Variants in TPD52 observed in about 807,000 individuals in gnomAD.
TPD52 encodes the protein prostate and colon associated protein.
TPD52 carries 17 observed loss-of-function variants against 31.3 expected under a neutral mutation model. That is an observed-to-expected ratio of 0.54 (90% confidence interval 0.37 to 0.82). The LOEUF (loss-of-function observed/expected upper bound fraction) is 0.82, where lower values mean the gene tolerates loss of function less well. Ranked by LOEUF, TPD52 falls within the 40% of genes least tolerant of loss-of-function variation. TPD52 has a pLI of 0.00. For synonymous variants in TPD52, 83 were observed against 89.6 expected (o/e 0.93, Z 0.42); for missense variants, 212 against 240.1 (o/e 0.88, Z 0.77).
intron 1 of TPD52, among the ~76,000 whole-genome samples, chr8:80,144,071 G>A (rs1252882578): frequency 2.6e-5 from 4 of 152,186 alleles, no homozygotes; most frequent in African/African-American, 9.6e-5. Context: ...GACAAATTCT[G>A]TAATCAGCTT....
chr8:80,139,236 T>G (rs1344840581), intron 1 of TPD52, among the ~76,000 whole-genome samples: 1 of 152,232 alleles, frequency 6.6e-6, no homozygotes, highest in African/African-American at 2.4e-5. Context: ...AGTGTTTTGT[T>G]TCTAATAGCA....
At chr8:80,160,606 A>G (rs1037885514) in intron 1 of TPD52, among the ~76,000 whole-genome samples, 4 of 152,082 alleles carry the variant, frequency 2.6e-5, no homozygotes, top group African/African-American at 9.7e-5. Flanking sequence ...CTCTTTACAG[A>G]ATTTTTGTTC....
At chr8:80,081,972 T>C (rs1815338424) in intron 1 of TPD52, among the ~76,000 whole-genome samples, 1 of 152,198 alleles carries the variant, frequency 6.6e-6, no homozygotes, top group African/African-American at 2.4e-5. Flanking sequence ...TATGCCCGGC[T>C]AATTTTTGTA....
At chr8:80,094,478 A>G (rs1412107987) in intron 1 of TPD52, among the ~76,000 whole-genome samples, 21 of 99,018 alleles carry the variant, frequency 2.1e-4, no homozygotes, top group East Asian at 6.2e-4. Context: ...ATATATATAT[A>G]TATATATGTA....
At chr8:80,033,994 T>G (rs1387491616), downstream of TPD52, among the ~76,000 whole-genome samples, 1 of 151,846 alleles carries the variant, frequency 6.6e-6, no homozygotes, top group African/African-American at 2.4e-5. Flanking sequence ...ACCCCTTCCC[T>G]CCTAGGAACC....
intron 1 of TPD52, among the ~76,000 whole-genome samples, chr8:80,124,226 C>T (rs1808452330): frequency 6.6e-6 from 1 of 151,738 alleles, no homozygotes; most frequent in South Asian, 2.1e-4. Context: ...AGTGCACTGG[C>T]ACAATCTTTG....
intron 2 of TPD52, among the ~76,000 whole-genome samples, chr8:80,054,560 C>T (rs1313349262): frequency 6.6e-6 from 1 of 152,060 alleles, no homozygotes. Flanking sequence ...TGTTGCAAAG[C>T]CATATTTTCA....
intron 7 of TPD52, among the ~76,000 whole-genome samples, chr8:80,041,619 T>G (rs186717240): frequency 2.0e-5 from 3 of 152,230 alleles, no homozygotes; most frequent in East Asian, 1.9e-4. Flanking sequence ...TTGAATATAA[T>G]CTCAAAGATA....
chr8:80,036,522 TC>T lies in TPD52; in HGVS notation c.*1593del, dbSNP rs1319539887. The T allele has an allele frequency of 6.6e-6, 1 of 152,538 alleles. No homozygotes were observed. Among genetic ancestry groups the T allele is most frequent in the Non-Finnish European group, 1.5e-5 (1 of 68,026 alleles). The allele number at this position is 152,538 out of a possible 1,614,324, so 9.4% of individuals were successfully genotyped here. A position where few individuals can be genotyped will look rare whatever the true frequency, so the allele number is the denominator to read the frequency against. On this transcript the variant is annotated 3_prime_UTR_variant, in exon 8 of 8. Transcript: ENST00000518937. ...AAATTTTTTTTTTTTAAGCATAGACTCCAGTTGATTCGGTACAACAAGCTGT... is the reference window on the plus strand; with the variant it reads ...AAATTTTTTTTTTTTAAGCATAGACTCAGTTGATTCGGTACAACAAGCTGT...
chr8:80,131,552 G>T (rs898366704), intron 1 of TPD52, among the ~76,000 whole-genome samples: 3 of 152,092 alleles, frequency 2.0e-5, no homozygotes, highest in Non-Finnish European at 4.4e-5. Flanking sequence ...GTTATAGGTG[G>T]AACCAGTTAT....
In TPD52 at chr8:80,105,086, T is replaced by G. The variant is rs1807009517; in HGVS notation, c.20-40493A>C. Among the ~76,000 whole-genome samples the G allele has an allele frequency of 4.6e-5, 7 of 152,206 alleles. No homozygotes were observed. The South Asian group carries it at 1.5e-3, about 32-fold the overall frequency. On this transcript the variant is annotated intron_variant, in intron 1 of 7. Coordinates refer to ENST00000518937, the MANE Select transcript of TPD52 (RefSeq NM_001025253.3). Reference sequence around the variant, plus strand: ...AAAAATAAAAAATAAGAAAAATTTTTTAAAAGAAAATTTTTTACTTAATTC... The same window carrying G: ...AAAAATAAAAAATAAGAAAAATTTTGTAAAAGAAAATTTTTTACTTAATTC...
In TPD52 at chr8:80,044,962, G is replaced by A. The variant is rs773084894; in HGVS notation, c.414-754C>T. The stretch of plus-strand genomic sequence containing the variant: ...AGACTCATTTGGTACAAATGATAAC[G>A]TGTCTTCAATGTAGGTCCTCAAATC... On this transcript the variant is annotated intron_variant, in intron 5 of 7. Transcript: ENST00000518937. Among the ~76,000 whole-genome samples, 10 of 152,206 alleles carry A rather than the reference G, an allele frequency of 6.6e-5. No homozygotes were observed. The South Asian group carries it at 1.0e-3, about 16-fold the overall frequency.
chr8:80,156,321 A>G (rs1009438549), intron 1 of TPD52, among the ~76,000 whole-genome samples: 1 of 152,308 alleles, frequency 6.6e-6, no homozygotes, highest in East Asian at 1.9e-4. Flanking sequence ...CAGTTCCAAG[A>G]GAGGCAGGTA....
intron 1 of TPD52, chr8:80,123,186 G>A (rs1400275829): frequency 6.6e-6 from 1 of 152,292 alleles, no homozygotes; most frequent in Non-Finnish European, 1.5e-5. Flanking sequence ...TGGTGACTGT[G>A]GAGGACCAAT....
At chr8:80,044,086 T>A in intron 6 of TPD52, 81 bp downstream of exon 6, 1 of 1,241,274 alleles carries the variant, frequency 8.1e-7, no homozygotes, top group South Asian at 1.4e-5. Context: ...AGTTCCCTAA[T>A]TCAGAACAGT....
At chr8:80,072,734 T>C (rs1217927320) in intron 1 of TPD52, among the ~76,000 whole-genome samples, 1 of 149,858 alleles carries the variant, frequency 6.7e-6, no homozygotes, top group Non-Finnish European at 1.5e-5. Flanking sequence ...TATATACATA[T>C]ATATACACAC....
intron 5 of TPD52, among the ~76,000 whole-genome samples, chr8:80,046,542 T>C (rs1316182221): frequency 2.0e-5 from 3 of 152,202 alleles, no homozygotes; most frequent in Non-Finnish European, 2.9e-5. Context: ...CATTCAAGCT[T>C]AAATGTAATA....
chr8:80,079,502 T>A (rs977579005), intron 1 of TPD52, among the ~76,000 whole-genome samples: 12 of 152,352 alleles, frequency 7.9e-5, no homozygotes, highest in Admixed American at 7.8e-4. Context: ...ACCATGTTTT[T>A]TTCTAGGTTA....
Position 80,079,462 on chromosome 8 carries a change from C to T in TPD52, c.20-14869G>A, listed in dbSNP as rs556111834. Among the ~76,000 whole-genome samples the T allele has an allele frequency of 3.6e-4, 55 of 152,330 alleles. No homozygotes were observed. The South Asian group carries it at 1.0e-2, about 28-fold the overall frequency. On this transcript the variant is annotated intron_variant, in intron 1 of 7. Coordinates refer to ENST00000518937, the MANE Select transcript of TPD52 (RefSeq NM_001025253.3). ...TCGGCAAATACACAAACCTAAAATA[C>T]TTAAAACTAAGTTTCATGCTGTCAC...
Sources: allele counts gnomAD v4.1 joint callset (sites outside exome capture counted in the v4.1 genomes callset), GRCh38; gene constraint gnomAD v4.1.1; transcripts MANE v1.5; gene names NCBI Gene and HGNC (gene_info 2026-07-23, HGNC 2026-07-21).